CDH12: variants seen among roughly 807,000 people sequenced by gnomAD.
CDH12 encodes cadherin-12.
Under a neutral mutation model 74.1 loss-of-function variants are expected in CDH12, and 41 were observed. The observed-to-expected ratio is 0.55, with a 90% CI of 0.43 to 0.72. CDH12 has a LOEUF of 0.72. Ranked by LOEUF, CDH12 falls within the 30% of genes least tolerant of loss-of-function variation. The probability of loss-of-function intolerance (pLI) is 0.00; values close to 1 mark genes in which losing one functional copy is unlikely to be tolerated. For missense variants in CDH12, 945 were observed against 977.2 expected, an observed-to-expected ratio of 0.97 and a Z score of 0.44; for synonymous variants, 399 against 355.0, an observed-to-expected ratio of 1.12 and a Z score of -1.39.
chr5:22,283,219 T>TAG (rs1456765800), intron 3 of CDH12, among the ~76,000 whole-genome samples: 2 of 58,874 alleles, frequency 3.4e-5, no homozygotes, highest in African/African-American at 2.2e-4. Flanking sequence ...TATATATAGA[T>TAG]ATATATATAT....
chr5:22,079,184 A>T (rs1234098213), intron 4 of CDH12, among the ~76,000 whole-genome samples: 2 of 152,210 alleles, frequency 1.3e-5, no homozygotes, highest in Non-Finnish European at 2.9e-5. Flanking sequence ...TTAGAGTAGG[A>T]TCTTGCAACT....
In CDH12 at chr5:22,435,672, C is replaced by T. The variant is rs184974878; in HGVS notation, c.-427-30321G>A. 9.2e-5 allele frequency among the ~76,000 whole-genome samples: 14 copies of T among 152,030 alleles called. No individual in the cohort carries two copies. The East Asian group carries it at 2.5e-3, about 27-fold the overall frequency. ...GCCTTTGTAGGACTAACATTAGCCACGAGATTCGAAATTACGGTTTAGGAG... is the reference window on the plus strand; with the variant it reads ...GCCTTTGTAGGACTAACATTAGCCATGAGATTCGAAATTACGGTTTAGGAG... On this transcript the variant is annotated intron_variant, in intron 2 of 14. Coordinates refer to ENST00000382254, the MANE Select transcript of CDH12 (RefSeq NM_004061.5).
At chr5:22,497,603 C>T (rs1446193911) in intron 2 of CDH12, among the ~76,000 whole-genome samples, 1 of 151,230 alleles carries the variant, frequency 6.6e-6, no homozygotes, top group African/African-American at 2.4e-5. Flanking sequence ...CAAGGTCCTT[C>T]CAATGCCCTC....
Position 22,359,454 on chromosome 5 carries a change from G to A in CDH12, c.-333+45803C>T, listed in dbSNP as rs2150471995. 2.0e-5 allele frequency among the ~76,000 whole-genome samples: 3 copies of A among 152,218 alleles called. No individual in the cohort carries two copies. In the South Asian group the frequency reaches 6.2e-4, roughly 32 times the overall value. Reference sequence around the variant, plus strand: ...GCAAGTCCTTAGAGATCTACAAAGAGACTTAGACTCCCACACAATAATAAT... The same window carrying A: ...GCAAGTCCTTAGAGATCTACAAAGAAACTTAGACTCCCACACAATAATAAT... On this transcript the variant is annotated intron_variant, in intron 3 of 14. Transcript: ENST00000382254.
intron 3 of CDH12, among the ~76,000 whole-genome samples, chr5:22,236,940 G>T (rs1394459208): frequency 6.8e-6 from 1 of 147,898 alleles, no homozygotes; most frequent in African/African-American, 2.5e-5. Context: ...TGAAGGCCCT[G>T]CTTGAGGCTG....
chr5:22,435,226 C>T (rs1744329623), intron 2 of CDH12, among the ~76,000 whole-genome samples: 1 of 152,068 alleles, frequency 6.6e-6, no homozygotes, highest in Non-Finnish European at 1.5e-5. Context: ...CTGGCTTAGC[C>T]TCCCAGGCTT....
chr5:22,649,004 TA>T (rs111736538), intron 1 of CDH12, among the ~76,000 whole-genome samples: 7,257 of 152,008 alleles, frequency 0.048, 526 homozygotes, highest in African/African-American at 0.16. Context: ...TATGACATTT[TA>T]AAATATCCAA....
intron 5 of CDH12, among the ~76,000 whole-genome samples, chr5:22,011,090 G>A (rs1209372207): frequency 6.6e-6 from 1 of 151,990 alleles, no homozygotes; most frequent in Non-Finnish European, 1.5e-5. Flanking sequence ...TCTTTTCGAG[G>A]GAAATAACCA....
At chr5:22,493,561 T>A (rs910178861) in intron 2 of CDH12, among the ~76,000 whole-genome samples, 2 of 77,474 alleles carry the variant, frequency 2.6e-5, no homozygotes, top group South Asian at 4.4e-4. Flanking sequence ...ATAGTTTTTT[T>A]GGTTTTTTTT....
chr5:22,083,034 T>C (rs574228811), intron 4 of CDH12, among the ~76,000 whole-genome samples: 4 of 152,344 alleles, frequency 2.6e-5, no homozygotes, highest in African/African-American at 7.2e-5. Flanking sequence ...GGGATGGTGA[T>C]TGCTAGTGGC....
chr5:22,698,725 ATATATATATAGTGTGT>A (rs1342329997), intron 1 of CDH12, among the ~76,000 whole-genome samples: 1,074 of 11,060 alleles, frequency 0.097, 166 homozygotes, highest in South Asian at 0.16. Flanking sequence ...ATATATATAT[ATATATATATAGTGTGT>A]GTGTGTGTGT....
At position 22,222,346 on chromosome 5, in the gene CDH12, T is replaced by C. The variant is rs115890470; in HGVS notation, c.-332-9703A>G. On this transcript the variant is annotated intron_variant, in intron 3 of 14. Transcript: ENST00000382254. ...GGAGCTACAAACCAAGGACCATTTA[T>C]CTTTATCTCATGGAATTATTTTTCT... is the stretch of plus-strand genomic sequence containing the variant. 8.2e-3 allele frequency among the ~76,000 whole-genome samples: 1,243 copies of C among 152,064 alleles called. 12 individuals carry two copies. The highest frequency in any genetic ancestry group is 0.012 in the Non-Finnish European group (842 of 67,926).
At chr5:21,826,293 T>C (rs928057322) in intron 8 of CDH12, among the ~76,000 whole-genome samples, 2 of 152,198 alleles carry the variant, frequency 1.3e-5, no homozygotes, top group African/African-American at 4.8e-5. Context: ...GATCATAGAC[T>C]TGCCATGCCT....
intron 6 of CDH12, among the ~76,000 whole-genome samples, chr5:21,914,107 C>G (rs1046527402): frequency 7.2e-5 from 11 of 152,148 alleles, no homozygotes; most frequent in African/African-American, 2.7e-4. Flanking sequence ...TTATTGCTTT[C>G]ATTTTCAGTC....
intron 3 of CDH12, among the ~76,000 whole-genome samples, chr5:22,385,550 A>T (rs1355990253): frequency 6.6e-6 from 1 of 152,200 alleles, no homozygotes; most frequent in African/African-American, 2.4e-5. Context: ...TTTCTCAAAG[A>T]TCAGGAGTCA....
chr5:22,673,433 G>C (rs1741007542), intron 1 of CDH12, among the ~76,000 whole-genome samples: 1 of 152,084 alleles, frequency 6.6e-6, no homozygotes, highest in Non-Finnish European at 1.5e-5. Flanking sequence ...TTCCTGTGCT[G>C]TTGCTTGCTT....
chr5:22,184,130 G>GT lies in CDH12; in HGVS notation c.-187+28367dup, dbSNP rs1270935716. On this transcript the variant is annotated intron_variant, in intron 4 of 14. Coordinates refer to ENST00000382254, the MANE Select transcript of CDH12 (RefSeq NM_004061.5). ...AAGGCATGAAATGTTTCTTAACTCG[G>GT]TTTTTTTTGTTACTTTATTAAATGG... Among the ~76,000 whole-genome samples, 11 of 151,764 alleles carry GT rather than the reference G, an allele frequency of 7.2e-5. No homozygotes were observed. The East Asian group carries it at 9.7e-4, about 13-fold the overall frequency.
chr5:22,241,408 C>T (rs879655723), intron 3 of CDH12, among the ~76,000 whole-genome samples: 1 of 151,906 alleles, frequency 6.6e-6, no homozygotes, highest in Non-Finnish European at 1.5e-5. Flanking sequence ...AAACTTGTGA[C>T]CAAAACAGTT....
intron 1 of CDH12, among the ~76,000 whole-genome samples, chr5:22,519,794 T>A (rs1349124293): frequency 6.6e-6 from 1 of 152,204 alleles, no homozygotes; most frequent in East Asian, 1.9e-4. Context: ...TATTTTACTG[T>A]ATAGCTAAAA....
Sources: gnomAD v4.1 joint callset for allele counts (sites outside exome capture counted in the v4.1 genomes callset) on GRCh38, gnomAD v4.1.1 for gene constraint, MANE v1.5 for transcripts, NCBI Gene and HGNC (gene_info 2026-07-23, HGNC 2026-07-21) for gene names.